The following CROT variants were observed in gnomAD, a reference collection of about 807,000 sequenced individuals.
CROT encodes the protein carnitine O-octanoyltransferase.
Under a neutral mutation model 89.2 loss-of-function variants are expected in CROT, and 84 were observed. The observed-to-expected ratio is 0.94, with a 90% confidence interval of 0.79 to 1.13. The LOEUF (loss-of-function observed/expected upper bound fraction) is 1.13. Among genes scored for constraint, CROT ranks in the 50% most tolerant of loss-of-function variants. The pLI, the probability that CROT is intolerant of heterozygous loss-of-function variation, is 0.00. For synonymous variants in CROT, 212 were observed against 239.5 expected (o/e 0.89, Z 1.06); for missense variants, 711 against 727.8 (o/e 0.98, Z 0.27).
At chr7:87,374,988 A>C (rs1806759603) in intron 7 of CROT, among the ~76,000 whole-genome samples, 1 of 152,064 alleles carries the variant, frequency 6.6e-6, no homozygotes, top group Non-Finnish European at 1.5e-5. Context: ...GGGAGAACCC[A>C]GTTATTTATC....
chr7:87,350,366 G>C (rs544088203), intron 3 of CROT, among the ~76,000 whole-genome samples: 1 of 152,266 alleles, frequency 6.6e-6, no homozygotes, highest in South Asian at 2.1e-4. Context: ...AGTTTCTCCT[G>C]TCAGAAGTGT....
chr7:87,359,612 G>A (rs1321338530), intron 4 of CROT: 1 of 1,168,900 alleles, frequency 8.6e-7, no homozygotes, highest in Non-Finnish European at 1.1e-6. Context: ...TGGTTTGGCT[G>A]CAGGTAATCT....
intron 3 of CROT, 36 bp from the exon 4 acceptor site, chr7:87,359,170 G>A: frequency 1.4e-6 from 2 of 1,389,342 alleles, no homozygotes; most frequent in Non-Finnish European, 1.0e-6. Context: ...GGTGGTACTT[G>A]GTCTAAATAC....
At chr7:87,367,511 T>C (rs1391640075) in intron 6 of CROT, among the ~76,000 whole-genome samples, 1 of 152,212 alleles carries the variant, frequency 6.6e-6, no homozygotes, top group African/African-American at 2.4e-5. Context: ...TCAGTAGTAA[T>C]TTGTTTTTGC....
chr7:87,350,494 C>T (rs995036490), intron 3 of CROT, among the ~76,000 whole-genome samples: 1 of 152,008 alleles, frequency 6.6e-6, no homozygotes, highest in African/African-American at 2.4e-5. Flanking sequence ...GATAAAACCA[C>T]CAAGAAGCCT....
intron 13 of CROT, among the ~76,000 whole-genome samples, chr7:87,391,186 A>G (rs567199751): frequency 6.6e-6 from 1 of 152,206 alleles, no homozygotes; most frequent in Admixed American, 6.5e-5. Context: ...ATGAGAAATA[A>G]GAGAACAAGA....
At chr7:87,367,868 A>C (rs564210392) in intron 6 of CROT, among the ~76,000 whole-genome samples, 2 of 152,202 alleles carry the variant, frequency 1.3e-5, no homozygotes, top group African/African-American at 4.8e-5. Flanking sequence ...GATTGTTCTC[A>C]CCTGGACAAC....
chr7:87,371,673 A>G (rs1048012497), intron 7 of CROT, among the ~76,000 whole-genome samples: 6 of 152,186 alleles, frequency 3.9e-5, no homozygotes, highest in Non-Finnish European at 8.8e-5. Context: ...ATCATTGTTG[A>G]CATGGTACTA....
chr7:87,397,803 C>CT (rs1001129584), intron 17 of CROT, among the ~76,000 whole-genome samples: 2 of 152,158 alleles, frequency 1.3e-5, no homozygotes, highest in African/African-American at 4.8e-5. Context: ...ATAATTTACT[C>CT]TTTTTTTAAG....
chr7:87,357,673 A>G (rs1806127283), intron 3 of CROT: 1 of 667,574 alleles, frequency 1.5e-6, no homozygotes, highest in Non-Finnish European at 2.7e-6. Context: ...AGGGCAAGCA[A>G]AGGAAGGCAC....
rs1806284422 is a variant in CROT at position 87,361,791 on chromosome 7, A to G, written c.486A>G (p.Leu162=). The G allele has an allele frequency of 6.2e-7, 1 of 1,609,756 alleles. No homozygotes were observed. Among genetic ancestry groups the G allele is most frequent in the Non-Finnish European group, 8.5e-7 (1 of 1,178,128 alleles). Residue 162 remains leucine, a synonymous_variant, in exon 6 of 18, where the codon CTA becomes CTG. Transcript: ENST00000331536. The part of the protein sequence containing the change: ...TPLDMNQFRM[L]FSTCKVPGIT... ...TAGATATGAATCAATTCCGAATGCT[A>G]TTTTCTACCTGCAAGGTTCCAGGAA...
chr7:87,348,134 C>G (rs1805750339), intron 2 of CROT, among the ~76,000 whole-genome samples: 1 of 151,974 alleles, frequency 6.6e-6, no homozygotes, highest in Admixed American at 6.6e-5. Context: ...ATAGGAAGTT[C>G]AAATTCAATA....
At chr7:87,384,997 C>T (rs573950490) in intron 13 of CROT, among the ~76,000 whole-genome samples, 3 of 151,670 alleles carry the variant, frequency 2.0e-5, no homozygotes, top group African/African-American at 7.2e-5. Context: ...AAAGGAGATG[C>T]CTGTAAATAC....
At chr7:87,372,820 T>G (rs1806684996) in intron 7 of CROT, among the ~76,000 whole-genome samples, 1 of 152,190 alleles carries the variant, frequency 6.6e-6, no homozygotes, top group Admixed American at 6.5e-5. Flanking sequence ...CATTCTATTT[T>G]ACAGATATGC....
At chr7:87,368,177 A>C (rs1806508995) in intron 6 of CROT, among the ~76,000 whole-genome samples, 1 of 152,112 alleles carries the variant, frequency 6.6e-6, no homozygotes, top group Non-Finnish European at 1.5e-5. Flanking sequence ...CTCTGCCTGA[A>C]ACACTTCTGC....
intron 3 of CROT, among the ~76,000 whole-genome samples, chr7:87,358,477 AT>A (rs1584623706): frequency 2.4e-5 from 2 of 82,356 alleles, no homozygotes; most frequent in East Asian, 6.2e-4. Flanking sequence ...GCGAGACTCC[AT>A]CTCAAAAAAA....
At chr7:87,382,919 A>C (rs1367323913) in intron 13 of CROT, among the ~76,000 whole-genome samples, 1 of 152,220 alleles carries the variant, frequency 6.6e-6, no homozygotes, top group Non-Finnish European at 1.5e-5. Flanking sequence ...AGCGACATTA[A>C]TTTTGTGACT....
intron 3 of CROT, among the ~76,000 whole-genome samples, chr7:87,353,541 G>A (rs802040): frequency 0.79 from 120,044 of 152,120 alleles, 47,805 homozygotes; most frequent in African/African-American, 0.88. Flanking sequence ...AATACCTGAG[G>A]CTGGGTAATT....
intron 10 of CROT, among the ~76,000 whole-genome samples, chr7:87,378,419 A>T (rs1444956596): frequency 6.6e-6 from 1 of 152,108 alleles, no homozygotes; most frequent in Non-Finnish European, 1.5e-5. Context: ...ACCTAAATCA[A>T]ACTAGCGTTA....
Sources: allele counts gnomAD v4.1 joint callset (sites outside exome capture counted in the v4.1 genomes callset), GRCh38; gene constraint gnomAD v4.1.1; transcripts MANE v1.5; gene names NCBI Gene and HGNC (gene_info 2026-07-23, HGNC 2026-07-21).